Variants in PCGF3 observed in about 807,000 individuals in gnomAD.
PCGF3 encodes polycomb group ring finger 3, also known as polycomb group RING finger protein 3.
In PCGF3, 7 loss-of-function variants were observed where a neutral mutation model predicts 33.1. That is an observed-to-expected ratio of 0.21 (90% CI 0.12 to 0.40). PCGF3 has a LOEUF of 0.40. Among genes scored for constraint, PCGF3 ranks in the 10% least tolerant of loss-of-function variants. PCGF3 has a pLI of 1.00. For synonymous variants in PCGF3, 153 were observed against 121.3 expected, an observed-to-expected ratio of 1.26 and a Z score of -1.72; for missense variants, 211 against 313.3, an observed-to-expected ratio of 0.67 and a Z score of 2.46.
At chr4:742,670 C>T (rs942336532) in intron 6 of PCGF3, among the ~76,000 whole-genome samples, 7 of 152,198 alleles carry the variant, frequency 4.6e-5, no homozygotes, top group Admixed American at 3.9e-4. Context: ...TGCTGGCCAT[C>T]CCTGGAGGGT....
chr4:723,537 A>C (rs1391337681), intron 1 of PCGF3: 2 of 157,860 alleles, frequency 1.3e-5, no homozygotes, highest in African/African-American at 4.8e-5. Context: ...AGCTGTGTGG[A>C]CGTGGAGCTT....
At chr4:730,521 T>C (rs1325581663) in intron 1 of PCGF3, 109 bp from the exon 2 acceptor site, 1 of 152,610 alleles carries the variant, frequency 6.6e-6, no homozygotes, top group East Asian at 1.9e-4. Flanking sequence ...TTTGGTTATT[T>C]TAAGCAAGGA....
At chr4:755,041 T>C (rs1744706389) in intron 8 of PCGF3, among the ~76,000 whole-genome samples, 1 of 152,234 alleles carries the variant, frequency 6.6e-6, no homozygotes, top group Non-Finnish European at 1.5e-5. Flanking sequence ...CAGGTCTTTC[T>C]GCAGTGCCCT....
intron 1 of PCGF3, among the ~76,000 whole-genome samples, chr4:724,760 T>C (rs1412108714): frequency 6.6e-6 from 1 of 152,154 alleles, no homozygotes. Flanking sequence ...ATCACGCCAC[T>C]GCACTCCAGC....
intron 5 of PCGF3, among the ~76,000 whole-genome samples, chr4:735,279 G>T (rs1257631389): frequency 2.6e-5 from 4 of 152,234 alleles, no homozygotes; most frequent in African/African-American, 9.6e-5. Context: ...GGGCGCAGGG[G>T]CTCATGCCTA....
At chr4:761,164 C>A (rs1306581787) in intron 8 of PCGF3, 115 bp from the exon 9 acceptor site, 4 of 730,910 alleles carry the variant, frequency 5.5e-6, no homozygotes, top group African/African-American at 1.8e-5. Context: ...GATGTCTGAT[C>A]TCAAAAAGGT....
chr4:750,649 A>G (rs1019654142), intron 8 of PCGF3, among the ~76,000 whole-genome samples: 2 of 152,158 alleles, frequency 1.3e-5, no homozygotes, highest in African/African-American at 4.8e-5. Context: ...AGTTGAATGA[A>G]TGAGAAACAA....
chr4:764,695 G>A (rs747689514), intron 9 of PCGF3: 78 of 334,726 alleles, frequency 2.3e-4, no homozygotes, highest in East Asian at 3.8e-4. Flanking sequence ...TTGTGCCTGC[G>A]CCTGCACCCC....
chr4:764,824 A>C, intron 9 of PCGF3, 160 bp from the exon 10 acceptor site: 3 of 588,282 alleles, frequency 5.1e-6, no homozygotes, highest in Non-Finnish European at 9.3e-6. Context: ...GCTGTGAGGT[A>C]GGGATGGAGG....
intron 8 of PCGF3, among the ~76,000 whole-genome samples, chr4:753,353 T>TA (rs1202313753): frequency 1.3e-5 from 2 of 152,042 alleles, no homozygotes; most frequent in African/African-American, 4.8e-5. Flanking sequence ...GCCTAGAACT[T>TA]AATGTTTAAG....
intron 8 of PCGF3, among the ~76,000 whole-genome samples, chr4:760,311 C>G (rs962781194): frequency 6.6e-6 from 1 of 152,092 alleles, no homozygotes; most frequent in Non-Finnish European, 1.5e-5. Context: ...TTCTCTTAGC[C>G]TTCCTTTTAT....
exon 11 of PCGF3, chr4:766,080 A>C: frequency 6.2e-7 from 1 of 1,613,828 alleles, no homozygotes; most frequent in Non-Finnish European, 8.5e-7. Flanking sequence ...CTTGCTGTGA[A>C]TGGTGCCACA....
chr4:750,640 G>GTT (rs746368558), intron 8 of PCGF3, among the ~76,000 whole-genome samples: 3 of 152,188 alleles, frequency 2.0e-5, no homozygotes, highest in Admixed American at 2.0e-4. Context: ...GAGGTGTTAA[G>GTT]TTGAATGAAT....
At chr4:734,415 A>T in intron 4 of PCGF3, 1 of 1,339,368 alleles carries the variant, frequency 7.5e-7, no homozygotes, top group Non-Finnish European at 9.6e-7. Flanking sequence ...GTGTACGCTT[A>T]TAATACAAGT....
intron 8 of PCGF3, among the ~76,000 whole-genome samples, chr4:747,779 G>A (rs747142940): frequency 6.6e-6 from 1 of 152,186 alleles, no homozygotes; most frequent in East Asian, 1.9e-4. Context: ...TGGGAGCACC[G>A]AGGGAGGGCT....
Position 735,372 on chromosome 4 carries a change from C to T in PCGF3, c.206+345C>T, listed in dbSNP as rs1484284411. On this transcript the variant is annotated intron_variant, in intron 5 of 10. Coordinates refer to ENST00000362003, the Ensembl canonical transcript of PCGF3. ...GACCAGCCTGACCAACGTGGAGAAA[C>T]CCCATCTCTACTAAAAGTACAAAAT... Among the ~76,000 whole-genome samples, 4 of 152,296 alleles carry T rather than the reference C, an allele frequency of 2.6e-5. No homozygotes were observed. The East Asian group carries it at 5.8e-4, about 22-fold the overall frequency.
At position 721,824 on chromosome 4, in the gene PCGF3, G is replaced by GAC. The variant is rs1743089657; in HGVS notation, c.-189-8805_-189-8804insCA. Among the ~76,000 whole-genome samples the GAC allele has an allele frequency of 8.0e-5, 12 of 150,050 alleles. 2 individuals carry two copies. Among genetic ancestry groups the GAC allele is most frequent in the Admixed American group, 6.6e-5 (1 of 15,108 alleles). ...GGGAGGGGCCTGTGGGAGGTGGGTG[G>GAC]ATGGGTGTCTCTGCATGTGGGTGTG... is the stretch of plus-strand genomic sequence containing the variant. On this transcript the variant is annotated intron_variant, in intron 1 of 10. Coordinates refer to ENST00000362003, the Ensembl canonical transcript of PCGF3. This position sits in a 1 kb window ranked among gnomAD's most constrained non-coding sequence, Gnocchi z 4.1.
intron 8 of PCGF3, among the ~76,000 whole-genome samples, chr4:754,286 G>A (rs984018591): frequency 2.6e-5 from 4 of 152,184 alleles, no homozygotes; most frequent in African/African-American, 7.2e-5. Context: ...TCACTCCTCC[G>A]AGTTGTGCCT....
chr4:743,152 A>C (rs1468972686), intron 6 of PCGF3, among the ~76,000 whole-genome samples: 1 of 152,140 alleles, frequency 6.6e-6, no homozygotes, highest in Admixed American at 6.5e-5. Context: ...GTTCTGCGCC[A>C]TTGGACACTC....
Sources: gnomAD v4.1 joint callset for allele counts (sites outside exome capture counted in the v4.1 genomes callset) on GRCh38, gnomAD v4.1.1 for gene constraint, Gnocchi (gnomAD v3.1) non-coding constraint, MANE v1.5 for transcripts, NCBI Gene and HGNC (gene_info 2026-07-23, HGNC 2026-07-21) for gene names.